PDE10A: variants seen among roughly 807,000 people sequenced by gnomAD.
PDE10A encodes phosphodiesterase 10A.
In PDE10A, 39 loss-of-function variants were observed where a neutral mutation model predicts 97.7. The ratio of observed to expected loss-of-function variants is 0.40; its 90% confidence interval spans 0.31 to 0.52. The LOEUF is 0.52. Ranked by LOEUF, PDE10A falls within the 20% of genes least tolerant of loss-of-function variation. PDE10A has a pLI of 0.56. For synonymous variants in PDE10A, 371 were observed against 376.8 expected (o/e 0.98, Z 0.18); for missense variants, 731 against 1,047.8 (o/e 0.70, Z 4.17).
At chr6:165,897,222 C>G (rs1020620031) in intron 1 of PDE10A, among the ~76,000 whole-genome samples, 1 of 152,170 alleles carries the variant, frequency 6.6e-6, no homozygotes, top group African/African-American at 2.4e-5. Context: ...ACAGTGGCCA[C>G]ATGGCTAGGG....
chr6:165,697,869 G>A (rs564214975), intron 1 of PDE10A, among the ~76,000 whole-genome samples: 7 of 152,246 alleles, frequency 4.6e-5, no homozygotes, highest in Admixed American at 6.5e-5. Flanking sequence ...TTTATACTAC[G>A]TATATTTAAC....
chr6:165,961,666 A>G (rs966322185), intron 1 of PDE10A, among the ~76,000 whole-genome samples: 1 of 152,178 alleles, frequency 6.6e-6, no homozygotes, highest in African/African-American at 2.4e-5. Context: ...GCCCCTCCAA[A>G]CTTCTGCCTC....
At chr6:165,965,434 C>T (rs147388925) in intron 1 of PDE10A, among the ~76,000 whole-genome samples, 14 of 152,144 alleles carry the variant, frequency 9.2e-5, no homozygotes, top group Non-Finnish European at 1.3e-4. Context: ...GCACTGAACA[C>T]GGGAATACGG....
rs970506248 is a variant in PDE10A at position 165,758,648 on chromosome 6, AGAG to A, written c.-614-215083_-614-215081del. 1.1e-4 allele frequency among the ~76,000 whole-genome samples: 16 copies of A among 149,510 alleles called. No homozygotes were observed. In the South Asian group the frequency reaches 1.1e-3, roughly 10 times the overall value. On this transcript the variant is annotated intron_variant, in intron 1 of 19. Coordinates refer to the PDE10A transcript ENST00000366882. ...AGAGGAAGAAGAAGAGGAAGAAGGA[AGAG>A]GAGGAGGAGGAAGAGGAGGAAGAGG...
chr6:165,573,276 GTTTTT>G (rs11288936), intron 1 of PDE10A, among the ~76,000 whole-genome samples: 1 of 142,596 alleles, frequency 7.0e-6, no homozygotes. Context: ...TGATGTCTGG[GTTTTT>G]TTTTTTTTTT....
chr6:165,618,754 T>C (rs1787841569), intron 1 of PDE10A, among the ~76,000 whole-genome samples: 1 of 152,228 alleles, frequency 6.6e-6, no homozygotes, highest in Non-Finnish European at 1.5e-5. Context: ...CCCCTCCTCT[T>C]GTAAGAAACC....
chr6:165,638,217 C>G (rs1393476000), intron 1 of PDE10A, among the ~76,000 whole-genome samples: 2 of 149,660 alleles, frequency 1.3e-5, no homozygotes. Flanking sequence ...AGTATTTTAA[C>G]CCTTTCTGTT....
chr6:165,566,100 G>T (rs1356972060), intron 1 of PDE10A, among the ~76,000 whole-genome samples: 6 of 152,120 alleles, frequency 3.9e-5, no homozygotes, highest in Non-Finnish European at 8.8e-5. Context: ...GTAAAATTAA[G>T]ATTTTCTGCT....
intron 2 of PDE10A, among the ~76,000 whole-genome samples, chr6:165,511,867 A>G (rs1781528218): frequency 6.6e-6 from 1 of 152,004 alleles, no homozygotes; most frequent in African/African-American, 2.4e-5. Flanking sequence ...TTTGAATTGA[A>G]TATCTTTTTC....
At chr6:165,678,037 G>A (rs1247453853) in intron 1 of PDE10A, among the ~76,000 whole-genome samples, 1 of 150,552 alleles carries the variant, frequency 6.6e-6, no homozygotes, top group Non-Finnish European at 1.5e-5. Context: ...GTTTGTGTGG[G>A]TGTTTGTATA....
intron 5 of PDE10A, among the ~76,000 whole-genome samples, chr6:165,444,953 TTG>T (rs1172425300): frequency 6.6e-5 from 10 of 151,580 alleles, no homozygotes; most frequent in Admixed American, 2.0e-4. Flanking sequence ...CTCAGTCTAT[TTG>T]TGTTTTATTA....
chr6:165,557,881 C>T (rs140844491), intron 1 of PDE10A, among the ~76,000 whole-genome samples: 1 of 152,178 alleles, frequency 6.6e-6, no homozygotes, highest in Non-Finnish European at 1.5e-5. Flanking sequence ...GCTGCAAGGT[C>T]GATAAGGGTA....
chr6:165,891,253 G>T (rs980352563), intron 1 of PDE10A, among the ~76,000 whole-genome samples: 2 of 152,122 alleles, frequency 1.3e-5, no homozygotes, highest in Non-Finnish European at 2.9e-5. Context: ...CATCTCATTT[G>T]GGATTTGCTG....
In PDE10A at chr6:165,482,289, G is replaced by A. The variant is rs199875212; in HGVS notation, c.1023+26C>T. ...CAGATTCATTTCCTATACTGCAGTA[G>A]TAGAAATAATATTCACATCACTTAC... On this transcript the variant is annotated intron_variant, in intron 3 of 21. Coordinates refer to ENST00000539869, the MANE Select transcript of PDE10A (RefSeq NM_001385079.1). The A allele has an allele frequency of 5.2e-4, 753 of 1,459,262 alleles. 1 individual carries two copies. The highest frequency in any genetic ancestry group is 4.7e-3 in the Middle Eastern group (27 of 5,762). 90.4% of individuals were successfully genotyped at this position (1,459,262 alleles called of 1,614,324 possible).
chr6:165,914,688 T>A (rs62428064), intron 1 of PDE10A, among the ~76,000 whole-genome samples: 1 of 152,212 alleles, frequency 6.6e-6, no homozygotes, highest in East Asian at 1.9e-4. Context: ...ACCAAGTGAT[T>A]GCCAAAATGC....
intron 1 of PDE10A, among the ~76,000 whole-genome samples, chr6:165,548,276 CTTTTTT>C (rs57134252): frequency 0.16 from 16,908 of 105,512 alleles, 1,275 homozygotes; most frequent in Non-Finnish European, 0.17. Context: ...CTTTAAATCT[CTTTTTT>C]TTTTTTTTTT....
intron 1 of PDE10A, among the ~76,000 whole-genome samples, chr6:165,728,151 T>C (rs1289220452): frequency 6.6e-5 from 10 of 152,162 alleles, no homozygotes; most frequent in Non-Finnish European, 1.5e-4. Context: ...TTTTCTGATG[T>C]CCTCCTCCCA....
At chr6:165,663,281 G>T (rs936375791), upstream of PDE10A, among the ~76,000 whole-genome samples, 20 of 150,396 alleles carry the variant, frequency 1.3e-4, no homozygotes, top group South Asian at 2.4e-3. Flanking sequence ...CGCCGCCGCC[G>T]CCTTCCGCGC....
intron 13 of PDE10A, 103 bp downstream of exon 13, chr6:165,413,398 A>T: frequency 1.5e-6 from 1 of 674,300 alleles, no homozygotes; most frequent in Non-Finnish European, 2.3e-6. Context: ...TGGTTTGTAA[A>T]GGAAATATAA....
Sources: gnomAD v4.1 joint callset for allele counts (sites outside exome capture counted in the v4.1 genomes callset) on GRCh38, gnomAD v4.1.1 for gene constraint, MANE v1.5 for transcripts, NCBI Gene and HGNC (gene_info 2026-07-23, HGNC 2026-07-21) for gene names.